GPR119: variants seen among roughly 807,000 people sequenced by gnomAD.
GPR119 encodes the protein G protein-coupled receptor 119, also known as glucose-dependent insulinotropic receptor.
A neutral mutation model predicts 13.3 loss-of-function variants in GPR119; 7 were observed. The ratio of observed to expected loss-of-function variants is 0.53; its 90% CI spans 0.30 to 0.99. GPR119 has a LOEUF of 0.99. Ranked by LOEUF, GPR119 falls within the 50% of genes least tolerant of loss-of-function variation. The pLI, the probability that GPR119 is intolerant of heterozygous loss-of-function variation, is 0.06. For missense variants in GPR119, 197 were observed against 263.0 expected (o/e 0.75, Z 1.74); for synonymous variants, 107 against 112.5 (o/e 0.95, Z 0.31).
rs772560173 is a variant in GPR119, at chrX:130,382,487, C to T, written c.*69G>A. On this transcript the variant is annotated 3_prime_UTR_variant, in exon 2 of 2. Transcript: ENST00000682440. ...TCAAAAAGTTCTTCAGTTGTAGGAACACGATGCTTGCTATGGTGAAAGCAA... is the reference window on the plus strand; with the variant it reads ...TCAAAAAGTTCTTCAGTTGTAGGAATACGATGCTTGCTATGGTGAAAGCAA... Among the ~76,000 whole-genome samples the T allele has an allele frequency of 1.6e-3, 174 of 111,846 alleles. No homozygotes were observed. Among genetic ancestry groups the T allele is most frequent in the Non-Finnish European group, 2.7e-3 (146 of 53,239 alleles).
Position 130,382,501 on chromosome X carries a change from T to C in GPR119, c.*55A>G, listed in dbSNP as rs1052735190. Among the ~76,000 whole-genome samples the C allele has an allele frequency of 1.8e-5, 2 of 111,815 alleles. No individual in the cohort carries two copies. The highest frequency in any genetic ancestry group is 3.3e-5 in the African/African-American group (1 of 30,755). The stretch of plus-strand genomic sequence containing the variant: ...AGTTGTAGGAACACGATGCTTGCTA[T>C]GGTGAAAGCAAGCATGTTTCTCCTC... On this transcript the variant is annotated 3_prime_UTR_variant, in exon 2 of 2. Coordinates refer to ENST00000682440, the MANE Select transcript of GPR119 (RefSeq NM_178471.3).
At position 130,380,716 on chromosome X, in the gene GPR119, G is replaced by A. The variant is rs1355964204; in HGVS notation, c.*1840C>T. Among the ~76,000 whole-genome samples, 1 of 111,591 alleles carries A rather than the reference G, an allele frequency of 9.0e-6. No homozygotes were observed. The highest frequency in any genetic ancestry group is 1.9e-5 in the Non-Finnish European group (1 of 53,075). ...CTGGGCATGGTGGCATGTGCCTGTG[G>A]TCCCAGTTACTCAGGAAGCTGAGGT... On this transcript the variant is annotated 3_prime_UTR_variant, in exon 2 of 2. Transcript: ENST00000682440.
chrX:130,384,382 T>C, intron 1 of GPR119, 54 bp downstream of exon 1: 1 of 1,101,520 alleles, frequency 9.1e-7, no homozygotes, highest in East Asian at 3.0e-5. Context: ...GCTGATCTAG[T>C]TGGGGCTCCA....
Position 130,380,449 on chromosome X carries a change from C to T in GPR119, c.*2107G>A, listed in dbSNP as rs4830188. Reference sequence around the variant, plus strand: ...TAAAACACCTCTGTACAGAGGCCTACAGTGTCCTTATGTTCTTTGAGAATA... The same window carrying T: ...TAAAACACCTCTGTACAGAGGCCTATAGTGTCCTTATGTTCTTTGAGAATA... On this transcript the variant is annotated 3_prime_UTR_variant, in exon 2 of 2. Transcript: ENST00000682440. Among the ~76,000 whole-genome samples, 43,958 of 111,592 alleles carry T rather than the reference C, an allele frequency of 0.39. 6,292 individuals carry two copies. Among genetic ancestry groups the T allele is most frequent in the Non-Finnish European group, 0.44 (23,513 of 52,994 alleles).
At chrX:130,383,947 A>AT (rs1395408977) in intron 1 of GPR119, among the ~76,000 whole-genome samples, 2 of 112,497 alleles carry the variant, frequency 1.8e-5, no homozygotes, top group African/African-American at 6.5e-5. Context: ...TGAAAAAAAA[A>AT]CCAGTATAAT....
rs374518399 is a variant in GPR119 at position 130,385,586 on chromosome X, C to T, written c.-139G>A. On this transcript the variant is annotated 5_prime_UTR_variant, in exon 1 of 2. Coordinates refer to ENST00000682440, the MANE Select transcript of GPR119 (RefSeq NM_178471.3). The stretch of plus-strand genomic sequence containing the variant: ...TCGCTGGCAGTCCAGGCTGGCAGGT[C>T]GCCATCTTTGGGATCCTACAGGTCA... 229 of 578,613 alleles carry T rather than the reference C, an allele frequency of 4.0e-4. 1 individual carries two copies. In the South Asian group the frequency reaches 6.4e-3, roughly 16 times the overall value. 47.7% of individuals were successfully genotyped at this position (578,613 alleles called of 1,213,427 possible).
intron 1 of GPR119, among the ~76,000 whole-genome samples, chrX:130,383,283 C>T (rs952194770): frequency 7.1e-5 from 8 of 111,959 alleles, no homozygotes; most frequent in Admixed American, 9.5e-5. Context: ...CTGTACCCCA[C>T]GGAAAGGAGG....
intron 1 of GPR119, among the ~76,000 whole-genome samples, chrX:130,382,929 A>G (rs760346554): frequency 5.2e-4 from 58 of 111,305 alleles, no homozygotes; most frequent in African/African-American, 1.7e-3. Flanking sequence ...TCATTAATTT[A>G]GGGATATTGA....
In GPR119 at chrX:130,381,521, C is replaced by T. The variant is rs906378850; in HGVS notation, c.*1035G>A. On this transcript the variant is annotated 3_prime_UTR_variant, in exon 2 of 2. Coordinates refer to ENST00000682440, the MANE Select transcript of GPR119 (RefSeq NM_178471.3). ...CTAGTGCCAGTGCCTTGTTTGTATCCGCTCTGTCTTGATACTGCTAAGGTA... is the reference window on the plus strand; with the variant it reads ...CTAGTGCCAGTGCCTTGTTTGTATCTGCTCTGTCTTGATACTGCTAAGGTA... 5.4e-5 allele frequency among the ~76,000 whole-genome samples: 6 copies of T among 111,672 alleles called. No individual in the cohort carries two copies. The highest frequency in any genetic ancestry group is 3.7e-4 in the South Asian group (1 of 2,668).
In GPR119 at chrX:130,381,787, A is replaced by G. The variant is rs988146362; in HGVS notation, c.*769T>C. Among the ~76,000 whole-genome samples, 1 of 112,079 alleles carries G rather than the reference A, an allele frequency of 8.9e-6. No homozygotes were observed. Among genetic ancestry groups the G allele is most frequent in the African/African-American group, 3.2e-5 (1 of 30,823 alleles). On this transcript the variant is annotated 3_prime_UTR_variant, in exon 2 of 2. Coordinates refer to ENST00000682440, the MANE Select transcript of GPR119 (RefSeq NM_178471.3). Reference sequence around the variant, plus strand: ...CTAACAATGTGCTGTAGTTTACTAGATATTTACATATACATTATCTGAGTT... The same window carrying G: ...CTAACAATGTGCTGTAGTTTACTAGGTATTTACATATACATTATCTGAGTT...
In GPR119 at chrX:130,385,286, A is replaced by G. The variant is rs775176688; in HGVS notation, c.162T>C (p.Ile54=). The change falls in exon 1 of 2, where the codon ATT becomes ATC. Residue 54 remains isoleucine, a synonymous_variant. Coordinates refer to ENST00000682440, the MANE Select transcript of GPR119 (RefSeq NM_178471.3). Reference sequence around the variant, plus strand: ...TGAGTAGGCCAGAGATGGCCACACCAATCAAGGTGTCAGCCACAGCCAGAT... The same window carrying G: ...TGAGTAGGCCAGAGATGGCCACACCGATCAAGGTGTCAGCCACAGCCAGAT... ...TLNLAVADTL[I]GVAISGLLTD... is the part of the protein sequence containing the mutation. 1.8e-5 allele frequency: 22 copies of G among 1,210,320 alleles called. No individual in the cohort carries two copies. The Admixed American group carries it at 3.1e-4, about 17-fold the overall frequency.
chrX:130,381,366 GTCTTGAA>G lies in GPR119; in HGVS notation c.*1183_*1189del, dbSNP rs1444616420. Among the ~76,000 whole-genome samples the G allele has an allele frequency of 9.0e-6, 1 of 111,111 alleles. No homozygotes were observed. The highest frequency in any genetic ancestry group is 1.9e-5 in the Non-Finnish European group (1 of 53,032). On this transcript the variant is annotated 3_prime_UTR_variant, in exon 2 of 2. Coordinates refer to ENST00000682440, the MANE Select transcript of GPR119 (RefSeq NM_178471.3). ...GCTTTTCACCATATTGGTCAGGCTG[GTCTTGAA>G]CCCCTGACCTCGTGATCCACCTGCC...
chrX:130,383,568 C>T (rs2124779989), intron 1 of GPR119, among the ~76,000 whole-genome samples: 1 of 112,132 alleles, frequency 8.9e-6, no homozygotes, highest in Non-Finnish European at 1.9e-5. Flanking sequence ...GGATTGGGAC[C>T]GGTAACAGCA....
chrX:130,379,661 A>C lies in GPR119; in HGVS notation c.*2895T>G, dbSNP rs146760544. Among the ~76,000 whole-genome samples, 845 of 111,968 alleles carry C rather than the reference A, an allele frequency of 7.5e-3. 13 individuals carry two copies. The highest frequency in any genetic ancestry group is 0.071 in the Admixed American group (744 of 10,474). On this transcript the variant is annotated 3_prime_UTR_variant, in exon 2 of 2. Coordinates refer to ENST00000682440, the MANE Select transcript of GPR119 (RefSeq NM_178471.3). ...TGTTGAAAAAGCATGCAACCATTAC[A>C]AGTTGTGTTTTTGAAAAAGACGACA...
rs201793880 is a variant in GPR119, at chrX:130,385,067, G to A, written c.381C>T (p.Ala127=). 14 of 1,210,547 alleles carry A rather than the reference G, an allele frequency of 1.2e-5. No individual in the cohort carries two copies. The highest frequency in any genetic ancestry group is 6.5e-5 in the Admixed American group (3 of 45,842). ...TGAGGTAAGACACTAACCACAGCCC[G>A]GCAATGCAGGCCCCGGCCACGAACC... ...MSGFVAGACI[A]GLWLVSYLIG... is the part of the protein sequence containing the mutation. The change falls in exon 1 of 2, where the codon GCC becomes GCT. Residue 127 remains alanine, a synonymous_variant. Coordinates refer to ENST00000682440, the MANE Select transcript of GPR119 (RefSeq NM_178471.3).
rs2034379933 is a variant in GPR119 at position 130,385,252 on chromosome X, G to A, written c.196C>T (p.Leu66Phe). Residue 66 changes from leucine (L) to phenylalanine (F), a missense_variant, in exon 1 of 2, where the codon CTC (leucine) becomes TTC (phenylalanine). Physicochemically the swap from Leu to Phe is conservative, Grantham distance 22. Coordinates refer to ENST00000682440, the MANE Select transcript of GPR119 (RefSeq NM_178471.3). ...VAISGLLTDQ[L>F]SSPSRPTQKT... Reference sequence around the variant, plus strand: ...TGTGTGGGCCGAGAAGGGCTGGAGAGCTGGTCTGTGAGTAGGCCAGAGATG... The same window carrying A: ...TGTGTGGGCCGAGAAGGGCTGGAGAACTGGTCTGTGAGTAGGCCAGAGATG... 8.3e-7 allele frequency: 1 copy of A among 1,212,031 alleles called. No individual in the cohort carries two copies. Among genetic ancestry groups the A allele is most frequent in the Non-Finnish European group, 1.1e-6 (1 of 895,406 alleles).
rs1160742400 is a variant in GPR119 at position 130,385,260 on chromosome X, G to A, written c.188C>T (p.Thr63Ile). 8.3e-7 allele frequency: 1 copy of A among 1,210,455 alleles called. No homozygotes were observed. The highest frequency in any genetic ancestry group is 1.1e-6 in the Non-Finnish European group (1 of 895,083). The change falls in exon 1 of 2, where the codon ACA becomes ATA. Residue 63 changes from threonine (T) to isoleucine (I), a missense_variant. Transcript: ENST00000682440. ...CCGAGAAGGGCTGGAGAGCTGGTCTGTGAGTAGGCCAGAGATGGCCACACC... is the reference window on the plus strand; with the variant it reads ...CCGAGAAGGGCTGGAGAGCTGGTCTATGAGTAGGCCAGAGATGGCCACACC... ...LIGVAISGLLTDQLSSPSRPT... is the reference protein window; with the variant it reads ...LIGVAISGLLIDQLSSPSRPT...
At chrX:130,384,077 G>A (rs2034369826) in intron 1 of GPR119, among the ~76,000 whole-genome samples, 1 of 112,312 alleles carries the variant, frequency 8.9e-6, no homozygotes, top group African/African-American at 3.2e-5. Context: ...AAAATTATGC[G>A]TGTGGCTCAC....
chrX:130,380,882 A>C lies in GPR119; in HGVS notation c.*1674T>G, dbSNP rs191640120. 8.9e-6 allele frequency among the ~76,000 whole-genome samples: 1 copy of C among 112,398 alleles called. No individual in the cohort carries two copies. Among genetic ancestry groups the C allele is most frequent in the East Asian group, 2.8e-4 (1 of 3,572 alleles). On this transcript the variant is annotated 3_prime_UTR_variant, in exon 2 of 2. Coordinates refer to ENST00000682440, the MANE Select transcript of GPR119 (RefSeq NM_178471.3). The stretch of plus-strand genomic sequence containing the variant: ...TCACAGTAAGCTGTTCATGGAAATA[A>C]TAAATGGGACTGATTGGCCTACATT...
Sources: allele counts gnomAD v4.1 joint callset (sites outside exome capture counted in the v4.1 genomes callset), GRCh38; gene constraint gnomAD v4.1.1; transcripts MANE v1.5; gene names NCBI Gene and HGNC (gene_info 2026-07-23, HGNC 2026-07-21).